EML6: variants seen among roughly 807,000 people sequenced by gnomAD.
The protein encoded by EML6 is echinoderm microtubule-associated protein-like 6.
In EML6, 154 loss-of-function variants were observed where a neutral mutation model predicts 240.1. The ratio of observed to expected loss-of-function variants is 0.64; its 90% CI spans 0.56 to 0.73. The LOEUF (loss-of-function observed/expected upper bound fraction) is 0.73, where lower values mean the gene tolerates loss of function less well. EML6 is among the 30% of genes least tolerant of loss of function. EML6 has a pLI of 0.00. For missense variants in EML6, 2,964 were observed against 2,474.6 expected (o/e 1.20, Z -4.20); for synonymous variants, 1,148 against 899.0 (o/e 1.28, Z -4.95).
intron 12 of EML6, among the ~76,000 whole-genome samples, chr2:54,863,026 C>T (rs1012509147): frequency 6.6e-6 from 1 of 152,154 alleles, no homozygotes; most frequent in East Asian, 1.9e-4. Context: ...CTATGTGTTC[C>T]AATTCAGTGG....
intron 2 of EML6, among the ~76,000 whole-genome samples, chr2:54,792,106 A>C (rs1379706327): frequency 6.6e-6 from 1 of 152,232 alleles, no homozygotes; most frequent in Non-Finnish European, 1.5e-5. Flanking sequence ...GATTTGTAGA[A>C]GGAGTAATAG....
At chr2:54,954,239 C>T in intron 32 of EML6, 83 bp downstream of exon 32, 2 of 1,295,260 alleles carry the variant, frequency 1.5e-6, no homozygotes, top group South Asian at 1.5e-5. Context: ...AGATCTGCCT[C>T]ACTCCGAAGC....
At chr2:54,741,213 A>G (rs1683614328) in intron 2 of EML6, among the ~76,000 whole-genome samples, 1 of 152,086 alleles carries the variant, frequency 6.6e-6, no homozygotes, top group African/African-American at 2.4e-5. Flanking sequence ...GCCCTGGTCC[A>G]CATCCCTGGT....
chr2:54,761,989 T>G (rs1668000552), intron 2 of EML6, among the ~76,000 whole-genome samples: 1 of 152,196 alleles, frequency 6.6e-6, no homozygotes, highest in African/African-American at 2.4e-5. Context: ...TTCAGGAAAT[T>G]TAATGTTGAC....
intron 2 of EML6, among the ~76,000 whole-genome samples, chr2:54,746,421 A>G (rs1051220902): frequency 6.6e-6 from 1 of 152,008 alleles, no homozygotes; most frequent in Non-Finnish European, 1.5e-5. Flanking sequence ...TTCCTTGGGT[A>G]CAGGCTTGTG....
At chr2:54,867,815 T>A (rs1048195210) in intron 14 of EML6, 2 of 152,198 alleles carry the variant, frequency 1.3e-5, no homozygotes, top group African/African-American at 4.8e-5. Flanking sequence ...CATTCATATT[T>A]CTACCTAAGT....
At chr2:54,924,014 TCATC>T (rs770358608) in intron 26 of EML6, among the ~76,000 whole-genome samples, 3 of 152,242 alleles carry the variant, frequency 2.0e-5, no homozygotes, top group Admixed American at 6.5e-5. Context: ...AACAGGTTGT[TCATC>T]CATATTCCTA....
chr2:54,794,961 C>G (rs746734038), intron 2 of EML6, among the ~76,000 whole-genome samples: 1 of 152,162 alleles, frequency 6.6e-6, no homozygotes, highest in Non-Finnish European at 1.5e-5. Context: ...AATTCACTGA[C>G]CACACTAGGT....
In EML6 at chr2:54,760,539, A is replaced by G. The variant is rs545898195; in HGVS notation, c.197+35281A>G. Among the ~76,000 whole-genome samples the G allele has an allele frequency of 1.2e-4, 19 of 152,266 alleles. 1 individual carries two copies. The highest frequency in any genetic ancestry group is 2.0e-4 in the Admixed American group (3 of 15,286). ...ACAGGTATGCCCATTTTCAGTTTCA[A>G]TATAGCCTAGAATTGCAGTACCTAG... On this transcript the variant is annotated intron_variant, in intron 2 of 41. Coordinates refer to ENST00000356458, the MANE Select transcript of EML6 (RefSeq NM_001039753.4).
At chr2:54,921,873 C>T (rs545885300) in intron 26 of EML6, among the ~76,000 whole-genome samples, 1 of 152,186 alleles carries the variant, frequency 6.6e-6, no homozygotes, top group East Asian at 1.9e-4. Flanking sequence ...TGGATATCTA[C>T]ATTCAAAAGA....
intron 2 of EML6, among the ~76,000 whole-genome samples, chr2:54,758,974 A>G (rs1278831238): frequency 3.9e-5 from 6 of 152,006 alleles, no homozygotes; most frequent in South Asian, 2.1e-4. Context: ...TCACTTCCAC[A>G]TATAGTACAT....
At position 54,959,140 on chromosome 2, in the gene EML6, G is replaced by A; in HGVS notation, c.4732G>A (p.Val1578Ile). 6.4e-7 allele frequency: 1 copy of A among 1,551,548 alleles called. No homozygotes were observed. The highest frequency in any genetic ancestry group is 8.7e-7 in the Non-Finnish European group (1 of 1,146,948). The stretch of plus-strand genomic sequence containing the variant: ...TTTCACGGGTGCCATCAATGGAGAT[G>A]TCTACGTCTGGAAGGACCACTTCCT... ...LTFTGAINGD[V>I]YVWKDHFLIR... Residue 1578 changes from valine to isoleucine, a missense_variant, in exon 34 of 42, where the codon GTC becomes ATC. By Grantham distance (29) the Val-to-Ile change is conservative. Coordinates refer to ENST00000356458, the MANE Select transcript of EML6 (RefSeq NM_001039753.4).
At chr2:54,733,366 C>T (rs770727814) in intron 2 of EML6, among the ~76,000 whole-genome samples, 6 of 152,174 alleles carry the variant, frequency 3.9e-5, no homozygotes, top group Non-Finnish European at 8.8e-5. Context: ...TCACAAATGA[C>T]AAGATGTCTT....
Position 54,970,364 on chromosome 2 carries a change from C to A in EML6, c.*269C>A. 1 of 434,498 alleles carries A rather than the reference C, an allele frequency of 2.3e-6. No individual in the cohort carries two copies. Among genetic ancestry groups the A allele is most frequent in the African/African-American group, 1.9e-5 (1 of 51,624 alleles). The allele number at this position is 434,498 out of a possible 1,614,324, so 26.9% of individuals were successfully genotyped here. A position where few individuals can be genotyped will look rare whatever the true frequency, so the allele number is the denominator to read the frequency against. On this transcript the variant is annotated 3_prime_UTR_variant, in exon 42 of 42. Coordinates refer to ENST00000356458, the MANE Select transcript of EML6 (RefSeq NM_001039753.4). ...GACTAAACAGTATACATACTAACTA[C>A]ATTGACAAAGAAATCCTATCTGATA... is the stretch of plus-strand genomic sequence containing the variant.
intron 22 of EML6, among the ~76,000 whole-genome samples, chr2:54,902,201 A>T (rs1288947802): frequency 6.6e-6 from 1 of 152,306 alleles, no homozygotes; most frequent in East Asian, 1.9e-4. Flanking sequence ...TAGAACTCCT[A>T]TTCTTAAATA....
intron 2 of EML6, among the ~76,000 whole-genome samples, chr2:54,778,171 T>C (rs940720580): frequency 6.6e-6 from 1 of 152,238 alleles, no homozygotes; most frequent in Non-Finnish European, 1.5e-5. Context: ...TTAGCTTATT[T>C]GGGATTATGT....
chr2:54,934,288 C>T (rs568304391), intron 28 of EML6, among the ~76,000 whole-genome samples: 2 of 152,040 alleles, frequency 1.3e-5, no homozygotes, highest in Non-Finnish European at 2.9e-5. Flanking sequence ...CAGTGATGCC[C>T]CTGTATTTTG....
intron 26 of EML6, among the ~76,000 whole-genome samples, chr2:54,925,354 C>G (rs76470962): frequency 1.3e-5 from 2 of 152,196 alleles, no homozygotes; most frequent in Non-Finnish European, 1.5e-5. Flanking sequence ...CAGCCTAGGG[C>G]ATTTTGTTAT....
rs904342075 is a variant in EML6, at chr2:54,916,924, T to C, written c.3664T>C (p.Tyr1222His). 1 of 1,542,316 alleles carries C rather than the reference T, an allele frequency of 6.5e-7. No homozygotes were observed. The highest frequency in any genetic ancestry group is 8.8e-7 in the Non-Finnish European group (1 of 1,139,072). ...DDFGFVKLFS[Y>H]PVKGQHARFK... is the part of the protein sequence containing the mutation. The stretch of plus-strand genomic sequence containing the variant: ...TTTTGGTTTCGTTAAGCTTTTTTCA[T>C]ATCCTGTCAAGGTAATATTGCGTGT... Residue 1222 changes from tyrosine (Y) to histidine (H), a missense_variant, in exon 26 of 42, where the codon TAT becomes CAT. Physicochemically the swap from Tyr to His is moderately conservative, Grantham distance 83 (BLOSUM62 2). Transcript: ENST00000356458.
Sources: allele counts gnomAD v4.1 joint callset (sites outside exome capture counted in the v4.1 genomes callset), GRCh38; gene constraint gnomAD v4.1.1; transcripts MANE v1.5; gene names NCBI Gene and HGNC (gene_info 2026-07-23, HGNC 2026-07-21).